The following CREB5 variants were observed in gnomAD, a reference collection of about 807,000 sequenced individuals.
CREB5 encodes cAMP responsive element binding protein 5, also known as cyclic AMP-responsive element-binding protein 5.
CREB5 carries 19 observed loss-of-function variants against 57.1 expected under a neutral mutation model. The observed-to-expected ratio is 0.33, with a 90% CI of 0.23 to 0.49. CREB5 has a LOEUF of 0.49. Ranked by LOEUF, CREB5 falls within the 20% of genes least tolerant of loss-of-function variation. The probability of loss-of-function intolerance (pLI) is 0.99; values close to 1 mark genes in which losing one functional copy is unlikely to be tolerated. For missense variants in CREB5, 579 were observed against 671.6 expected (o/e 0.86, Z 1.52); for synonymous variants, 238 against 238.3 (o/e 1.00, Z 0.01).
At chr7:28,418,628 T>C (rs1333084345) in intron 1 of CREB5, among the ~76,000 whole-genome samples, 2 of 152,258 alleles carry the variant, frequency 1.3e-5, no homozygotes, top group Non-Finnish European at 2.9e-5. Flanking sequence ...TAAAATTACA[T>C]GTTTTTCTAC....
At position 28,804,229 on chromosome 7, in the gene CREB5, G is replaced by A. The variant is rs754599741; in HGVS notation, c.733G>A (p.Ala245Thr). 1.2e-6 allele frequency: 2 copies of A among 1,613,754 alleles called. No homozygotes were observed. Among genetic ancestry groups the A allele is most frequent in the Non-Finnish European group, 8.5e-7 (1 of 1,179,862 alleles). Residue 245 changes from alanine (A) to threonine (T), a missense_variant, in exon 8 of 11, where the codon GCT becomes ACT. Transcript: ENST00000357727. ...RLKAALTHHP[A>T]AMSNGNMNTM... is the part of the protein sequence containing the mutation. ...GAAGGCTGCATTGACTCACCACCCT[G>A]CTGCCATGTCAAATGGGAACATGAA...
intron 1 of CREB5, among the ~76,000 whole-genome samples, chr7:28,386,038 C>T: frequency 6.6e-6 from 1 of 152,148 alleles, no homozygotes; most frequent in Non-Finnish European, 1.5e-5. Context: ...TATTGTTGCC[C>T]ACTAATTTGG....
chr7:28,349,844 A>G (rs1001301635), intron 1 of CREB5, among the ~76,000 whole-genome samples: 4 of 152,230 alleles, frequency 2.6e-5, no homozygotes, highest in African/African-American at 7.2e-5. Context: ...TACATGACAC[A>G]CTGTGCTGGA....
chr7:28,512,514 A>G (rs1182486058), intron 4 of CREB5, among the ~76,000 whole-genome samples: 4 of 152,248 alleles, frequency 2.6e-5, no homozygotes, highest in Non-Finnish European at 5.9e-5. Context: ...AGAGGAAAGA[A>G]AAACAAAAAT....
At chr7:28,302,869 G>T (rs1010139534) in intron 1 of CREB5, among the ~76,000 whole-genome samples, 7 of 152,144 alleles carry the variant, frequency 4.6e-5, no homozygotes, top group African/African-American at 1.7e-4. Flanking sequence ...ACCAATTATG[G>T]TGATTAAATT....
intron 1 of CREB5, among the ~76,000 whole-genome samples, chr7:28,330,400 A>ATTTT (rs1562659890): frequency 2.2e-4 from 14 of 64,718 alleles, no homozygotes; most frequent in East Asian, 1.2e-3. Context: ...AGAGAACCTT[A>ATTTT]CTTTTTTTTT....
intron 8 of CREB5, among the ~76,000 whole-genome samples, chr7:28,806,890 G>A (rs1808759299): frequency 6.6e-6 from 1 of 152,144 alleles, no homozygotes; most frequent in African/African-American, 2.4e-5. Context: ...GTCTGGGGCT[G>A]GCAATAAGAG....
At chr7:28,356,272 T>C (rs1786340180) in intron 1 of CREB5, among the ~76,000 whole-genome samples, 1 of 152,246 alleles carries the variant, frequency 6.6e-6, no homozygotes, top group African/African-American at 2.4e-5. Flanking sequence ...TGTAGCATGC[T>C]GGAAAGAAGG....
chr7:28,796,968 T>C (rs1050672402), intron 7 of CREB5, among the ~76,000 whole-genome samples: 15 of 152,208 alleles, frequency 9.9e-5, no homozygotes, highest in African/African-American at 3.6e-4. Context: ...AGACAGCCAC[T>C]GAGTCCAAGA....
chr7:28,638,486 A>G (rs752212295), intron 5 of CREB5, among the ~76,000 whole-genome samples: 1 of 151,954 alleles, frequency 6.6e-6, no homozygotes, highest in Non-Finnish European at 1.5e-5. Context: ...AGCTGAGACC[A>G]TAGGCACCTA....
intron 5 of CREB5, among the ~76,000 whole-genome samples, chr7:28,639,749 T>C (rs976228481): frequency 2.0e-5 from 3 of 152,122 alleles, no homozygotes; most frequent in African/African-American, 7.2e-5. Context: ...TAAATTTGAA[T>C]TGGGACAGGC....
chr7:28,458,030 C>G (rs191358918), intron 1 of CREB5, among the ~76,000 whole-genome samples: 1 of 152,132 alleles, frequency 6.6e-6, no homozygotes, highest in African/African-American at 2.4e-5. Context: ...AGGGCCCTAT[C>G]CCCCATAAGA....
intron 5 of CREB5, among the ~76,000 whole-genome samples, chr7:28,701,003 A>T (rs1375552768): frequency 6.6e-6 from 1 of 151,702 alleles, no homozygotes; most frequent in Non-Finnish European, 1.5e-5. Context: ...TGAGTAAAGT[A>T]GACAGTCTAT....
Position 28,598,624 on chromosome 7 carries a change from T to G in CREB5, c.464+28087T>G, listed in dbSNP as rs150600258. ...GTCCATTAAGCTATTGTAATATCACTCACCCCAACCTAGAACTAGTGACTG... is the reference window on the plus strand; with the variant it reads ...GTCCATTAAGCTATTGTAATATCACGCACCCCAACCTAGAACTAGTGACTG... On this transcript the variant is annotated intron_variant, in intron 5 of 10. Transcript: ENST00000357727. Among the ~76,000 whole-genome samples the G allele has an allele frequency of 5.8e-4, 88 of 152,258 alleles. 3 individuals carry two copies. The East Asian group carries it at 0.013, about 22-fold the overall frequency.
Position 28,612,342 on chromosome 7 carries a change from G to A in CREB5, c.464+41805G>A, listed in dbSNP as rs79951350. ...CCTATATGGGCAACACCTACAAGCC[G>A]TGGGTCTCTCATTTCCCAGAATGAT... On this transcript the variant is annotated intron_variant, in intron 5 of 10. Coordinates refer to ENST00000357727, the MANE Select transcript of CREB5 (RefSeq NM_182898.4). Among the ~76,000 whole-genome samples, 44 of 152,198 alleles carry A rather than the reference G, an allele frequency of 2.9e-4. No individual in the cohort carries two copies. The East Asian group carries it at 5.4e-3, about 19-fold the overall frequency.
At chr7:28,567,080 TC>T (rs1795512510) in intron 4 of CREB5, among the ~76,000 whole-genome samples, 3 of 152,240 alleles carry the variant, frequency 2.0e-5, no homozygotes, top group African/African-American at 7.2e-5. Context: ...TTTGTCTTTT[TC>T]CATGGTGGAT....
At chr7:28,769,083 A>T (rs1330881797) in intron 7 of CREB5, among the ~76,000 whole-genome samples, 2 of 152,264 alleles carry the variant, frequency 1.3e-5, no homozygotes, top group Non-Finnish European at 2.9e-5. Context: ...GGTCTGAATG[A>T]TAAAGCATTA....
chr7:28,580,512 C>T (rs1431577906), intron 5 of CREB5, among the ~76,000 whole-genome samples: 7 of 138,476 alleles, frequency 5.1e-5, no homozygotes, highest in Non-Finnish European at 9.1e-5. Context: ...AGGCACTTTG[C>T]AGAGAACCAG....
intron 7 of CREB5, among the ~76,000 whole-genome samples, chr7:28,785,758 G>T (rs1375759704): frequency 1.3e-5 from 2 of 152,150 alleles, no homozygotes; most frequent in Non-Finnish European, 2.9e-5. Flanking sequence ...GTGGAGAGAG[G>T]AATTAAAGTA....
Sources: allele counts gnomAD v4.1 joint callset (sites outside exome capture counted in the v4.1 genomes callset), GRCh38; gene constraint gnomAD v4.1.1; transcripts MANE v1.5; gene names NCBI Gene and HGNC (gene_info 2026-07-23, HGNC 2026-07-21).